MCTP1: variants seen among roughly 807,000 people sequenced by gnomAD.
MCTP1 encodes the protein multiple C2 and transmembrane domain-containing protein 1.
Under a neutral mutation model 120.6 loss-of-function variants are expected in MCTP1, and 69 were observed. The ratio of observed to expected loss-of-function variants is 0.57; its 90% CI spans 0.47 to 0.70. MCTP1 has a LOEUF of 0.70. MCTP1 is among the 30% of genes least tolerant of loss of function. The probability of loss-of-function intolerance (pLI) is 0.00; values close to 1 mark genes in which losing one functional copy is unlikely to be tolerated. For synonymous variants in MCTP1, 529 were observed against 493.1 expected, an observed-to-expected ratio of 1.07 and a Z score of -0.96; for missense variants, 1,203 against 1,248.8, an observed-to-expected ratio of 0.96 and a Z score of 0.55.
chr5:95,145,736 C>A (rs1760332414), intron 1 of MCTP1, among the ~76,000 whole-genome samples: 1 of 152,042 alleles, frequency 6.6e-6, no homozygotes, highest in Non-Finnish European at 1.5e-5. Context: ...CCCGGGAACA[C>A]AGTATATTTG....
chr5:95,261,289 A>G (rs1363493233), intron 1 of MCTP1, among the ~76,000 whole-genome samples: 9 of 152,182 alleles, frequency 5.9e-5, no homozygotes, highest in Non-Finnish European at 1.3e-4. Context: ...GATCCTTGCA[A>G]TGAAGCAGTA....
In MCTP1 at chr5:94,821,612, C is replaced by T. The variant is rs568059205; in HGVS notation, c.2437-22480G>A. 6.5e-4 allele frequency among the ~76,000 whole-genome samples: 99 copies of T among 152,274 alleles called. 1 individual carries two copies. Among genetic ancestry groups the T allele is most frequent in the African/African-American group, 2.3e-3 (96 of 41,556 alleles). ...TCCCAGTACAAATAAAAAGCCTACA[C>T]TTATTAAGCATTTAGTATGTTTCAG... On this transcript the variant is annotated intron_variant, in intron 17 of 22. Coordinates refer to ENST00000515393, the MANE Select transcript of MCTP1 (RefSeq NM_024717.7).
intron 19 of MCTP1, among the ~76,000 whole-genome samples, chr5:94,715,470 A>G (rs1758853194): frequency 6.6e-6 from 1 of 152,092 alleles, no homozygotes; most frequent in Non-Finnish European, 1.5e-5. Context: ...CTTCTTAAAA[A>G]TAATAGTCTA....
At chr5:94,978,234 C>A (rs906190824) in intron 2 of MCTP1, among the ~76,000 whole-genome samples, 2 of 151,888 alleles carry the variant, frequency 1.3e-5, no homozygotes, top group Admixed American at 1.3e-4. Context: ...AAATCTGAAC[C>A]CTTGTACACT....
chr5:94,955,674 C>T (rs930287767), intron 2 of MCTP1, among the ~76,000 whole-genome samples: 8 of 152,212 alleles, frequency 5.3e-5, no homozygotes, highest in African/African-American at 1.7e-4. Flanking sequence ...GCAGAGCCTA[C>T]TGCAGCTCAG....
intron 1 of MCTP1, among the ~76,000 whole-genome samples, chr5:95,260,454 T>C (rs1443256261): frequency 6.6e-6 from 1 of 152,082 alleles, no homozygotes; most frequent in Non-Finnish European, 1.5e-5. Context: ...AGAGTTAGGG[T>C]TCCAGACTGC....
chr5:95,036,663 A>T (rs1441755776), intron 1 of MCTP1, among the ~76,000 whole-genome samples: 1 of 152,184 alleles, frequency 6.6e-6, no homozygotes, highest in Non-Finnish European at 1.5e-5. Flanking sequence ...TCACATATCA[A>T]CTTTTTAAAT....
At chr5:95,151,651 T>C (rs1760907264) in intron 1 of MCTP1, among the ~76,000 whole-genome samples, 1 of 152,234 alleles carries the variant, frequency 6.6e-6, no homozygotes, top group Non-Finnish European at 1.5e-5. Flanking sequence ...CTCTCTGCAA[T>C]GCTGTATCTG....
intron 19 of MCTP1, among the ~76,000 whole-genome samples, chr5:94,725,859 T>C (rs1420503055): frequency 1.3e-5 from 2 of 152,222 alleles, no homozygotes; most frequent in African/African-American, 4.8e-5. Flanking sequence ...AATCCATAAA[T>C]ATCTGGAACA....
chr5:95,119,659 T>A (rs917546568), intron 1 of MCTP1, among the ~76,000 whole-genome samples: 11 of 151,872 alleles, frequency 7.2e-5, no homozygotes, highest in African/African-American at 2.7e-4. Context: ...AAGACTCAAA[T>A]AAATAAAATC....
chr5:94,722,088 A>C (rs960164279), intron 19 of MCTP1, among the ~76,000 whole-genome samples: 1 of 152,198 alleles, frequency 6.6e-6, no homozygotes, highest in Non-Finnish European at 1.5e-5. Context: ...TTACTATGAC[A>C]TATTGCAACA....
At chr5:94,855,049 T>G (rs1794477064) in intron 17 of MCTP1, among the ~76,000 whole-genome samples, 1 of 151,798 alleles carries the variant, frequency 6.6e-6, no homozygotes, top group Admixed American at 6.6e-5. Flanking sequence ...AATGTCATTC[T>G]AAACTAAAAC....
intron 1 of MCTP1, among the ~76,000 whole-genome samples, chr5:95,074,727 C>T (rs1033367913): frequency 4.6e-5 from 7 of 152,158 alleles, no homozygotes; most frequent in South Asian, 2.1e-4. Context: ...TATGGTTCTA[C>T]GTAGGGCGTA....
chr5:94,721,259 G>T (rs1302374542), intron 19 of MCTP1, among the ~76,000 whole-genome samples: 2 of 151,920 alleles, frequency 1.3e-5, no homozygotes, highest in South Asian at 4.1e-4. Context: ...TGTCAATAAG[G>T]TAAGCAAATA....
At chr5:95,024,199 G>T in intron 1 of MCTP1, 1 of 293,310 alleles carries the variant, frequency 3.4e-6, no homozygotes, top group Non-Finnish European at 6.8e-6. Flanking sequence ...AGCTTTCCTT[G>T]ATTTTTTTCT....
At chr5:94,918,243 A>G (rs1249610509) in intron 7 of MCTP1, among the ~76,000 whole-genome samples, 5 of 152,220 alleles carry the variant, frequency 3.3e-5, no homozygotes, top group African/African-American at 1.2e-4. Context: ...AATAGAGCCT[A>G]ATTAAGTGAT....
intron 2 of MCTP1, among the ~76,000 whole-genome samples, chr5:95,010,945 T>A (rs1835808878): frequency 1.3e-5 from 2 of 152,134 alleles, no homozygotes; most frequent in South Asian, 4.1e-4. Flanking sequence ...TGCCAGAGTT[T>A]GCCTGATGTT....
chr5:94,770,655 G>T (rs920774818), intron 19 of MCTP1, among the ~76,000 whole-genome samples: 2 of 152,132 alleles, frequency 1.3e-5, no homozygotes, highest in Non-Finnish European at 2.9e-5. Context: ...AGTGGAACAA[G>T]GTGTAACAAA....
chr5:95,020,230 T>C (rs1837938006), intron 1 of MCTP1, among the ~76,000 whole-genome samples: 1 of 152,060 alleles, frequency 6.6e-6, no homozygotes, highest in African/African-American at 2.4e-5. Context: ...TCTTGAAGTT[T>C]AGCATGCATA....
Sources: gnomAD v4.1 joint callset for allele counts (sites outside exome capture counted in the v4.1 genomes callset) on GRCh38, gnomAD v4.1.1 for gene constraint, MANE v1.5 for transcripts, NCBI Gene and HGNC (gene_info 2026-07-23, HGNC 2026-07-21) for gene names.